The following TP53BP1 variants were observed in gnomAD, a reference collection of about 807,000 sequenced individuals.
TP53BP1 encodes the protein TP53-binding protein 1.
In TP53BP1, 61 loss-of-function variants were observed where a neutral mutation model predicts 200.8. That is an observed-to-expected ratio of 0.30 (90% CI 0.25 to 0.38). The LOEUF (loss-of-function observed/expected upper bound fraction) is 0.38. Among genes scored for constraint, TP53BP1 ranks in the 10% least tolerant of loss-of-function variants. The pLI is 1.00. For missense variants in TP53BP1, 2,144 were observed against 2,371.9 expected (o/e 0.90, Z 2.00); for synonymous variants, 822 against 844.3 (o/e 0.97, Z 0.46).
Position 43,477,571 on chromosome 15 carries a change from A to G in TP53BP1, c.955+22T>C, listed in dbSNP as rs2078902522. 1.9e-6 allele frequency: 3 copies of G among 1,588,128 alleles called. No individual in the cohort carries two copies. The African/African-American group carries it at 4.1e-5, about 22-fold the overall frequency. ...GTTTAGATCTTTGGAGAAGAGCTGT[A>G]ACGACAAATCACTCTTGGTACCTGT... On this transcript the variant is annotated intron_variant, in intron 8 of 27. Transcript: ENST00000382044.
Position 43,493,145 on chromosome 15 carries a change from G to T in TP53BP1, c.-102C>A. Reference sequence around the variant, plus strand: ...CGCCGCTGTCGCCACCGCCGCCACCGGCCGCGAACTCCCCCTTTCCCGTCA... The same window carrying T: ...CGCCGCTGTCGCCACCGCCGCCACCTGCCGCGAACTCCCCCTTTCCCGTCA... On this transcript the variant is annotated 5_prime_UTR_variant, in exon 1 of 28. Transcript: ENST00000382044. 2 of 1,572,638 alleles carry T rather than the reference G, an allele frequency of 1.3e-6. No homozygotes were observed. The highest frequency in any genetic ancestry group is 1.8e-5 in the Admixed American group (1 of 54,670).
At chr15:43,417,374 CTCTA>C (rs1214656376) in intron 21 of TP53BP1, among the ~76,000 whole-genome samples, 5 of 152,210 alleles carry the variant, frequency 3.3e-5, no homozygotes, top group Middle Eastern at 3.2e-3. Context: ...AGCCTTGGTT[CTCTA>C]TCTATCCTGT....
Position 43,453,335 on chromosome 15 carries a change from G to A in TP53BP1, c.2716+2557C>T, listed in dbSNP as rs542774001. On this transcript the variant is annotated intron_variant, in intron 12 of 27. Transcript: ENST00000382044. ...AAAAATACTCTACTACAGAATTTTA[G>A]GTTATTCACATTGTTCTTCACTACA... is the stretch of plus-strand genomic sequence containing the variant. Among the ~76,000 whole-genome samples the A allele has an allele frequency of 2.0e-5, 3 of 151,714 alleles. No homozygotes were observed. In the South Asian group the frequency reaches 6.2e-4, roughly 31 times the overall value.
chr15:43,412,071 T>C (rs1052867545), intron 24 of TP53BP1, among the ~76,000 whole-genome samples: 16 of 152,172 alleles, frequency 1.1e-4, no homozygotes, highest in African/African-American at 3.9e-4. Context: ...TTTGACAAGC[T>C]AGGTGTTGCA....
chr15:43,457,356 C>G, intron 11 of TP53BP1, 138 bp from the exon 12 acceptor site: 1 of 862,196 alleles, frequency 1.2e-6, no homozygotes, highest in Non-Finnish European at 1.7e-6. Flanking sequence ...ATTTCTAAAT[C>G]AAATTTAAGA....
At chr15:43,427,930 C>G in intron 18 of TP53BP1, 86 bp downstream of exon 18, 2 of 941,942 alleles carry the variant, frequency 2.1e-6, no homozygotes, top group Non-Finnish European at 3.1e-6. Context: ...GCATTCCAGC[C>G]TAGGTAACAA....
chr15:43,455,844 C>T (rs2046280079), intron 12 of TP53BP1, 48 bp downstream of exon 12: 1 of 1,599,484 alleles, frequency 6.3e-7, no homozygotes, highest in Non-Finnish European at 8.5e-7. Context: ...CTTTCCATTC[C>T]AGATTATAAT....
chr15:43,424,879 G>A (rs1222007357), intron 18 of TP53BP1, among the ~76,000 whole-genome samples: 2 of 152,192 alleles, frequency 1.3e-5, no homozygotes, highest in Non-Finnish European at 2.9e-5. Context: ...ACCTTTAAGA[G>A]GTGATTGAGT....
rs182086378 is a variant in TP53BP1 at position 43,452,576 on chromosome 15, A to C, written c.2716+3316T>G. Reference sequence around the variant, plus strand: ...AGACCCTGGCTCAAAAACAAACAAAAAAAAAGACAAAAAGCTATTATTCTC... The same window carrying C: ...AGACCCTGGCTCAAAAACAAACAAACAAAAAGACAAAAAGCTATTATTCTC... On this transcript the variant is annotated intron_variant, in intron 12 of 27. Transcript: ENST00000382044. Among the ~76,000 whole-genome samples the C allele has an allele frequency of 3.9e-3, 598 of 152,252 alleles. 3 individuals are homozygous for C. Among genetic ancestry groups the C allele is most frequent in the Non-Finnish European group, 5.1e-3 (346 of 68,030 alleles).
At chr15:43,485,306 G>A (rs1170158191) in intron 4 of TP53BP1, among the ~76,000 whole-genome samples, 3 of 152,132 alleles carry the variant, frequency 2.0e-5, no homozygotes, top group African/African-American at 2.4e-5. Flanking sequence ...GGCCGGGCAC[G>A]GTGGCGCATG....
Position 43,409,750 on chromosome 15 carries a change from A to G in TP53BP1, c.5306-9T>C. 7.8e-7 allele frequency: 1 copy of G among 1,281,586 alleles called. No individual in the cohort carries two copies. Among genetic ancestry groups the G allele is most frequent in the Non-Finnish European group, 1.1e-6 (1 of 949,710 alleles). The allele number at this position is 1,281,586 out of a possible 1,614,324, so 79.4% of individuals were successfully genotyped here. On this transcript the variant is annotated splice_polypyrimidine_tract_variant and intron_variant, in intron 24 of 27. Transcript: ENST00000382044. ...AGGAATTTCCAAAAATTCTATATTA[A>G]AAAAAAAAACCAAGATAATAATTAC...
chr15:43,452,071 G>A (rs2046182828), intron 12 of TP53BP1, among the ~76,000 whole-genome samples: 1 of 152,166 alleles, frequency 6.6e-6, no homozygotes, highest in African/African-American at 2.4e-5. Flanking sequence ...GGAGGCGGAG[G>A]TTGCAGTGAG....
At chr15:43,439,517 CA>C (rs1410994901) in intron 15 of TP53BP1, among the ~76,000 whole-genome samples, 3 of 152,172 alleles carry the variant, frequency 2.0e-5, no homozygotes, top group African/African-American at 7.2e-5. Context: ...GCCTGGTTGA[CA>C]AAGTGAGACC....
chr15:43,495,500 C>CAT (rs2079177266), upstream of TP53BP1, among the ~76,000 whole-genome samples: 1 of 126,164 alleles, frequency 7.9e-6, no homozygotes, highest in African/African-American at 2.9e-5. Flanking sequence ...CTCCGTCACA[C>CAT]ACACACACAC....
At chr15:43,425,951 G>A (rs1465257027) in intron 18 of TP53BP1, among the ~76,000 whole-genome samples, 1 of 151,788 alleles carries the variant, frequency 6.6e-6, no homozygotes, top group East Asian at 2.0e-4. Context: ...TGTAGTCCCA[G>A]CTACTTGGGA....
chr15:43,458,811 C>G (rs1289078020), intron 11 of TP53BP1, among the ~76,000 whole-genome samples: 3 of 151,342 alleles, frequency 2.0e-5, no homozygotes, highest in Non-Finnish European at 4.4e-5. Context: ...AAAAGGTTCA[C>G]AAAACCCAGG....
At chr15:43,486,911 C>T (rs2079054863) in intron 4 of TP53BP1, among the ~76,000 whole-genome samples, 1 of 152,174 alleles carries the variant, frequency 6.6e-6, no homozygotes, top group South Asian at 2.1e-4. Context: ...TAGGCCTGAG[C>T]CACTGCACCC....
chr15:43,475,252 T>G (rs2078863192), intron 9 of TP53BP1, among the ~76,000 whole-genome samples: 1 of 152,220 alleles, frequency 6.6e-6, no homozygotes, highest in Non-Finnish European at 1.5e-5. Flanking sequence ...CTCCACCCTC[T>G]GCTATTAAAT....
chr15:43,458,308 T>C lies in TP53BP1; in HGVS notation c.1390-1090A>G, dbSNP rs548105879. 2.0e-5 allele frequency among the ~76,000 whole-genome samples: 3 copies of C among 152,060 alleles called. No individual in the cohort carries two copies. The East Asian group carries it at 5.8e-4, about 30-fold the overall frequency. ...TTAGCCGGGCATGGTGGCGTGCACC[T>C]GTAGTCCCAGCTACTCACAAGGCTG... On this transcript the variant is annotated intron_variant, in intron 11 of 27. Transcript: ENST00000382044.
Sources: gnomAD v4.1 joint callset for allele counts (sites outside exome capture counted in the v4.1 genomes callset) on GRCh38, gnomAD v4.1.1 for gene constraint, MANE v1.5 for transcripts, NCBI Gene and HGNC (gene_info 2026-07-23, HGNC 2026-07-21) for gene names.